Variants in LARGE1 observed in about 807,000 individuals in gnomAD.
The protein encoded by LARGE1 is xylosyl- and glucuronyltransferase LARGE1.
Under a neutral mutation model 87.6 loss-of-function variants are expected in LARGE1, and 43 were observed. The ratio of observed to expected loss-of-function variants is 0.49; its 90% CI spans 0.38 to 0.63. LARGE1 has a LOEUF of 0.63. Among genes scored for constraint, LARGE1 ranks in the 30% least tolerant of loss-of-function variants. The probability of loss-of-function intolerance (pLI) is 0.00; values close to 1 mark genes in which losing one functional copy is unlikely to be tolerated. For missense variants in LARGE1, 802 were observed against 1,000.2 expected, an observed-to-expected ratio of 0.80 and a Z score of 2.67; for synonymous variants, 434 against 394.6, an observed-to-expected ratio of 1.10 and a Z score of -1.18.
At chr22:33,681,112 T>A (rs2081757085) in intron 2 of LARGE1, among the ~76,000 whole-genome samples, 1 of 152,228 alleles carries the variant, frequency 6.6e-6, no homozygotes, top group Admixed American at 6.5e-5. Context: ...ACTTTATTAT[T>A]TATATTGCTA....
chr22:33,591,910 C>T (rs1448609579), intron 5 of LARGE1, among the ~76,000 whole-genome samples: 6 of 149,994 alleles, frequency 4.0e-5, no homozygotes, highest in Non-Finnish European at 7.4e-5. Context: ...CCTGTAGTCC[C>T]AGCTACTCTA....
At chr22:33,217,082 G>A (rs1158948243) in intron 11 of LARGE1, among the ~76,000 whole-genome samples, 2 of 152,124 alleles carry the variant, frequency 1.3e-5, no homozygotes, top group African/African-American at 4.8e-5. Flanking sequence ...AACAAGGATG[G>A]ATAGAACTGG....
chr22:33,234,572 G>GCT (rs1480214826), intron 11 of LARGE1, among the ~76,000 whole-genome samples: 3 of 151,894 alleles, frequency 2.0e-5, no homozygotes, highest in Non-Finnish European at 4.4e-5. Flanking sequence ...ACAGAGTTTT[G>GCT]CTCTTGCTGC....
At chr22:33,333,815 G>A (rs115891262) in intron 10 of LARGE1, among the ~76,000 whole-genome samples, 1,556 of 152,214 alleles carry the variant, frequency 0.01, 32 homozygotes, top group African/African-American at 0.035. Flanking sequence ...AGGAGTAGAT[G>A]CTCTGACAAA....
At chr22:33,900,173 C>T (rs543043713) in intron 1 of LARGE1, among the ~76,000 whole-genome samples, 1 of 152,300 alleles carries the variant, frequency 6.6e-6, no homozygotes, top group South Asian at 2.1e-4. Flanking sequence ...AGGATTTACA[C>T]TCAAATTGTA....
At chr22:33,350,706 G>A (rs1482268579) in intron 9 of LARGE1, among the ~76,000 whole-genome samples, 12 of 152,178 alleles carry the variant, frequency 7.9e-5, no homozygotes, top group Admixed American at 3.3e-4. Flanking sequence ...GGCACCTTCC[G>A]TGAGGCCCAC....
intron 1 of LARGE1, among the ~76,000 whole-genome samples, chr22:33,789,049 T>G (rs2085738317): frequency 6.6e-6 from 1 of 152,296 alleles, no homozygotes; most frequent in African/African-American, 2.4e-5. Context: ...GGAAAATGTC[T>G]CCAGGGCAAG....
At chr22:33,087,463 C>T in the LARGE1 span, among the ~76,000 whole-genome samples, 9 of 152,060 alleles carry the variant, frequency 5.9e-5, no homozygotes, top group Admixed American at 3.3e-4. Context: ...CAGTGATGTA[C>T]TTATGCATAA....
intron 11 of LARGE1, among the ~76,000 whole-genome samples, chr22:33,179,266 A>C (rs990008867): frequency 1.3e-5 from 2 of 152,196 alleles, no homozygotes; most frequent in African/African-American, 4.8e-5. Context: ...GAGCTATTCT[A>C]AATCAGAACC....
At chr22:33,668,180 G>T (rs564806007) in intron 2 of LARGE1, among the ~76,000 whole-genome samples, 2 of 152,294 alleles carry the variant, frequency 1.3e-5, no homozygotes, top group Non-Finnish European at 2.9e-5. Flanking sequence ...TATAGGTAAA[G>T]ATATGCTATA....
At chr22:33,231,014 T>C (rs1286931313) in intron 11 of LARGE1, among the ~76,000 whole-genome samples, 1 of 152,232 alleles carries the variant, frequency 6.6e-6, no homozygotes, top group African/African-American at 2.4e-5. Context: ...TGGACTCTTC[T>C]TTAACCTTTA....
intron 7 of LARGE1, among the ~76,000 whole-genome samples, chr22:33,404,155 G>A (rs1383585049): frequency 1.3e-5 from 2 of 152,118 alleles, no homozygotes; most frequent in Non-Finnish European, 2.9e-5. Flanking sequence ...TGGGAGATGT[G>A]GTGAAATTTT....
chr22:33,245,637 G>A (rs1366387662), intron 11 of LARGE1, among the ~76,000 whole-genome samples: 1 of 152,232 alleles, frequency 6.6e-6, no homozygotes, highest in Non-Finnish European at 1.5e-5. Flanking sequence ...GGCCGGGCAT[G>A]GTGGCCCATG....
At chr22:33,538,520 G>T (rs558253533) in intron 6 of LARGE1, among the ~76,000 whole-genome samples, 2 of 152,166 alleles carry the variant, frequency 1.3e-5, no homozygotes, top group African/African-American at 2.4e-5. Context: ...TTCCCTGAAG[G>T]TTAATGAAAA....
At chr22:33,804,117 A>T (rs572980036) in intron 1 of LARGE1, among the ~76,000 whole-genome samples, 1 of 152,206 alleles carries the variant, frequency 6.6e-6, no homozygotes, top group Non-Finnish European at 1.5e-5. Flanking sequence ...AAGAGAACAT[A>T]GCAATCCTGA....
intron 11 of LARGE1, among the ~76,000 whole-genome samples, chr22:33,222,996 C>T (rs925805641): frequency 5.9e-5 from 9 of 152,118 alleles, no homozygotes; most frequent in African/African-American, 1.7e-4. Flanking sequence ...TGCTCGCTTA[C>T]GTGTTGTAAA....
intron 1 of LARGE1, among the ~76,000 whole-genome samples, chr22:33,914,184 G>A (rs893491661): frequency 6.6e-6 from 1 of 152,082 alleles, no homozygotes; most frequent in African/African-American, 2.4e-5. Context: ...CCATAGTGAG[G>A]AGCCCTCTTT....
intron 5 of LARGE1, among the ~76,000 whole-genome samples, chr22:33,572,741 A>T (rs1394434760): frequency 1.3e-5 from 2 of 152,086 alleles, no homozygotes; most frequent in Non-Finnish European, 2.9e-5. Context: ...ATGGTGGCGC[A>T]TGCCTGTAAT....
chr22:33,566,734 T>C (rs2078038834), intron 5 of LARGE1, among the ~76,000 whole-genome samples: 1 of 152,196 alleles, frequency 6.6e-6, no homozygotes, highest in African/African-American at 2.4e-5. Context: ...AGAGCACTGA[T>C]TGGTCATTTT....
Sources: gnomAD v4.1 joint callset for allele counts (sites outside exome capture counted in the v4.1 genomes callset) on GRCh38, gnomAD v4.1.1 for gene constraint, MANE v1.5 for transcripts, NCBI Gene and HGNC (gene_info 2026-07-23, HGNC 2026-07-21) for gene names.